Variants in COL2A1 observed in about 807,000 individuals in gnomAD.
The protein encoded by COL2A1 is collagen alpha-1(II) chain.
In COL2A1, 28 loss-of-function variants were observed where a neutral mutation model predicts 204.5. The observed-to-expected ratio is 0.14, with a 90% CI of 0.10 to 0.19. The LOEUF (loss-of-function observed/expected upper bound fraction) is 0.19, where lower values mean the gene tolerates loss of function less well. COL2A1 is among the 10% of genes least tolerant of loss of function. The pLI is 1.00. For synonymous variants in COL2A1, 708 were observed against 718.7 expected (o/e 0.99, Z 0.24); for missense variants, 1,388 against 2,027.5 (o/e 0.68, Z 6.06).
intron 22 of COL2A1, 151 bp downstream of exon 22, chr12:47,986,684 A>T: frequency 1.1e-6 from 1 of 944,750 alleles, no homozygotes; most frequent in Non-Finnish European, 1.7e-6. Context: ...GGGCCTTCTC[A>T]GCCCTGTTAA....
intron 18 of COL2A1, among the ~76,000 whole-genome samples, chr12:47,988,896 C>A (rs939725690): frequency 6.6e-6 from 1 of 152,238 alleles, no homozygotes; most frequent in African/African-American, 2.4e-5. Flanking sequence ...TTGGGTCTCC[C>A]CTAGGTTTGC....
At chr12:47,977,707 C>A (rs1299957736) in intron 44 of COL2A1, 54 bp from the exon 45 acceptor site, 6 of 1,579,090 alleles carry the variant, frequency 3.8e-6, no homozygotes, top group Non-Finnish European at 5.2e-6. Context: ...CCATCTCCCC[C>A]TCTGCTCCCC....
chr12:47,973,572 G>C lies in COL2A1; in HGVS notation c.4318-19C>G, dbSNP rs2136502885. On this transcript the variant is annotated intron_variant, in intron 53 of 53. Transcript: ENST00000380518. Reference sequence around the variant, plus strand: ...TATGTTTCTAGGGGAGAAAAAAGGAGGAGGCTCTGTTCAGTAGATGCCTTG... The same window carrying C: ...TATGTTTCTAGGGGAGAAAAAAGGACGAGGCTCTGTTCAGTAGATGCCTTG... The C allele has an allele frequency of 1.2e-6, 2 of 1,614,034 alleles. No homozygotes were observed. The highest frequency in any genetic ancestry group is 4.5e-5 in the East Asian group (2 of 44,868).
chr12:47,978,246 A>G lies in COL2A1; in HGVS notation c.3003+45T>C, dbSNP rs1324799190. On this transcript the variant is annotated intron_variant, in intron 43 of 53. Coordinates refer to ENST00000380518, the MANE Select transcript of COL2A1 (RefSeq NM_001844.5). The surrounding 1 kb of genome is among the most constrained non-coding windows in gnomAD (Gnocchi z 5.5). ...TGCTGAGGGAGGTAGAAGCCTTGGC[A>G]GGCAGGGCCCAGCTTGGATGGAGGG... 4.4e-6 allele frequency: 7 copies of G among 1,607,608 alleles called. No homozygotes were observed. The Admixed American group carries it at 1.2e-4, about 27-fold the overall frequency.
At chr12:48,003,312 CAT>C (rs1565701371) in intron 1 of COL2A1, among the ~76,000 whole-genome samples, 2 of 152,094 alleles carry the variant, frequency 1.3e-5, no homozygotes, top group African/African-American at 2.4e-5. Context: ...CTGACACACA[CAT>C]ACACACACAC....
At chr12:48,000,271 T>C (rs1458384611) in intron 1 of COL2A1, 146 bp from the exon 2 acceptor site, 4 of 655,748 alleles carry the variant, frequency 6.1e-6, no homozygotes, top group South Asian at 1.7e-5. Context: ...CATATAGAAC[T>C]TAAAAATTAT....
chr12:47,983,335 A>T (rs761365424), intron 31 of COL2A1, 50 bp downstream of exon 31: 1 of 1,598,924 alleles, frequency 6.3e-7, no homozygotes, highest in Non-Finnish European at 8.6e-7. Context: ...GGCATCAGAA[A>T]AGACCTTCCC....
In COL2A1 at chr12:47,973,359, G is replaced by A. The variant is rs1938528796; in HGVS notation, c.*48C>T. The A allele has an allele frequency of 6.2e-7, 1 of 1,613,006 alleles. No individual in the cohort carries two copies. On this transcript the variant is annotated 3_prime_UTR_variant, in exon 54 of 54. Transcript: ENST00000380518. Reference sequence around the variant, plus strand: ...GAGTGACTGAGATTGGAAAGTACTTGGGTCCTTTGGGTTTGCAACGGATTG... The same window carrying A: ...GAGTGACTGAGATTGGAAAGTACTTAGGTCCTTTGGGTTTGCAACGGATTG...
intron 27 of COL2A1, 122 bp from the exon 28 acceptor site, chr12:47,984,721 T>A (rs1939292896): frequency 5.3e-6 from 5 of 941,332 alleles, no homozygotes; most frequent in Non-Finnish European, 8.5e-6. Context: ...TAAAGCAAAG[T>A]ATCAGCCCTT....
At chr12:47,984,186 C>T (rs1475174323) in intron 28 of COL2A1, 46 bp from the exon 29 acceptor site, 7 of 1,570,134 alleles carry the variant, frequency 4.5e-6, no homozygotes, top group Non-Finnish European at 5.2e-6. Context: ...CTTTTCTTCC[C>T]ACTTGCAGTC....
chr12:47,980,557 A>T lies in COL2A1; in HGVS notation c.2622T>A (p.Pro874=), dbSNP rs1456658006. 8.7e-6 allele frequency: 14 copies of T among 1,606,216 alleles called. No homozygotes were observed. Among genetic ancestry groups the T allele is most frequent in the Non-Finnish European group, 1.2e-5 (14 of 1,176,340 alleles). Residue 874 remains proline, a synonymous_variant, in exon 39 of 54, where the codon CCT becomes CCA. Transcript: ENST00000380518. The surrounding 1 kb of genome is among the most constrained non-coding windows in gnomAD (Gnocchi z 4.5). ...GPQGPSGAPG[P]QGPTGVTGPK... ...CTTGGAGTGCAGCGTTACCCACCTG[A>T]GGCCCAGGTGCTCCAGAGGGGCCCT...
chr12:47,978,265 T>A lies in COL2A1; in HGVS notation c.3003+26A>T, dbSNP rs774249508. Reference sequence around the variant, plus strand: ...CTTGGCAGGCAGGGCCCAGCTTGGATGGAGGGAGGGATACCCCACACTCAC... The same window carrying A: ...CTTGGCAGGCAGGGCCCAGCTTGGAAGGAGGGAGGGATACCCCACACTCAC... On this transcript the variant is annotated intron_variant, in intron 43 of 53. Transcript: ENST00000380518. The surrounding 1 kb of genome is among the most constrained non-coding windows in gnomAD (Gnocchi z 5.5). 6.2e-7 allele frequency: 1 copy of A among 1,611,078 alleles called. No individual in the cohort carries two copies. The highest frequency in any genetic ancestry group is 1.3e-5 in the African/African-American group (1 of 74,840).
In COL2A1 at chr12:47,993,958, T is replaced by C. The variant is rs1310857613; in HGVS notation, c.870+36A>G. The C allele has an allele frequency of 1.9e-6, 3 of 1,614,016 alleles. No homozygotes were observed. In the Admixed American group the frequency reaches 5.0e-5, roughly 27 times the overall value. On this transcript the variant is annotated intron_variant, in intron 13 of 53. Coordinates refer to ENST00000380518, the MANE Select transcript of COL2A1 (RefSeq NM_001844.5). ...AAGTGCTTTTCTCTCCCACCAGGCA[T>C]CTCTTCCTTCCAACCTTCTCACCCG...
In COL2A1 at chr12:47,978,803, C is replaced by T. The variant is rs750290991; in HGVS notation, c.2734-45G>A. 6.5e-7 allele frequency: 1 copy of T among 1,534,532 alleles called. No homozygotes were observed. ...GAAGTGAGGACTCATCTCACCCTTCCTCATCCAGGCTGCCAAAGTCACTGT... is the reference window on the plus strand; with the variant it reads ...GAAGTGAGGACTCATCTCACCCTTCTTCATCCAGGCTGCCAAAGTCACTGT... On this transcript the variant is annotated intron_variant, in intron 41 of 53. Coordinates refer to ENST00000380518, the MANE Select transcript of COL2A1 (RefSeq NM_001844.5). The surrounding 1 kb of genome is among the most constrained non-coding windows in gnomAD (Gnocchi z 5.5).
At chr12:47,990,499 T>G (rs1939653555) in intron 16 of COL2A1, among the ~76,000 whole-genome samples, 1 of 152,180 alleles carries the variant, frequency 6.6e-6, no homozygotes, top group African/African-American at 2.4e-5. Flanking sequence ...CTTTCAAGGC[T>G]TGGTTAACCT....
intron 34 of COL2A1, 123 bp from the exon 35 acceptor site, chr12:47,982,283 G>T: frequency 2.2e-6 from 2 of 928,594 alleles, no homozygotes. Flanking sequence ...ATTTGCTGTG[G>T]TCTCAGGGTG....
chr12:47,993,675 TAGGGC>T, intron 14 of COL2A1, 129 bp downstream of exon 14: 1 of 1,142,506 alleles, frequency 8.8e-7, no homozygotes, highest in Non-Finnish European at 1.3e-6. Flanking sequence ...CATCAGGATG[TAGGGC>T]TGGTGTTCCC....
At chr12:47,983,636 C>A in intron 30 of COL2A1, 47 bp downstream of exon 30, 1 of 1,570,228 alleles carries the variant, frequency 6.4e-7, no homozygotes, top group East Asian at 2.3e-5. Flanking sequence ...CCAGGGAGCC[C>A]TGGGTATGGC....
chr12:47,996,427 T>A, intron 8 of COL2A1, 121 bp downstream of exon 8: 3 of 886,144 alleles, frequency 3.4e-6, no homozygotes, highest in Middle Eastern at 2.9e-4. Context: ...GGAGGTTACA[T>A]AACTACGGAG....
Sources: gnomAD v4.1 joint callset for allele counts (sites outside exome capture counted in the v4.1 genomes callset) on GRCh38, gnomAD v4.1.1 for gene constraint, Gnocchi (gnomAD v3.1) non-coding constraint, MANE v1.5 for transcripts, NCBI Gene and HGNC (gene_info 2026-07-23, HGNC 2026-07-21) for gene names.